The following JMJD1C variants were observed in gnomAD, a reference collection of about 807,000 sequenced individuals.
JMJD1C encodes jumonji domain containing 1C.
JMJD1C carries 31 observed loss-of-function variants against 245.3 expected under a neutral mutation model. The observed-to-expected ratio is 0.13, with a 90% CI of 0.09 to 0.17. The LOEUF is 0.17. JMJD1C is among the 10% of genes least tolerant of loss of function. The pLI is 1.00. For missense variants in JMJD1C, 2,691 were observed against 3,000.2 expected, an observed-to-expected ratio of 0.90 and a Z score of 2.41; for synonymous variants, 1,057 against 1,017.4, an observed-to-expected ratio of 1.04 and a Z score of -0.74.
intron 1 of JMJD1C, among the ~76,000 whole-genome samples, chr10:63,402,552 G>T (rs1182372327): frequency 6.6e-6 from 1 of 152,046 alleles, no homozygotes; most frequent in East Asian, 1.9e-4. Flanking sequence ...TGCCACTTTG[G>T]GATAGAAAAA....
At chr10:63,190,214 A>T (rs1428158911) in intron 17 of JMJD1C, among the ~76,000 whole-genome samples, 2 of 138,038 alleles carry the variant, frequency 1.4e-5, no homozygotes, top group African/African-American at 5.4e-5. Flanking sequence ...ATATACTTTT[A>T]TTTTTTTTGA....
intron 1 of JMJD1C, among the ~76,000 whole-genome samples, chr10:63,408,886 G>A (rs563137905): frequency 6.6e-6 from 1 of 151,680 alleles, no homozygotes; most frequent in Admixed American, 6.6e-5. Context: ...CCTGAGGAAA[G>A]ATTTCATAAA....
intron 1 of JMJD1C, among the ~76,000 whole-genome samples, chr10:63,488,473 G>A (rs545807590): frequency 6.6e-6 from 1 of 151,904 alleles, no homozygotes; most frequent in African/African-American, 2.4e-5. Flanking sequence ...AATCAACAAG[G>A]CTTTCCTAAC....
intron 10 of JMJD1C, among the ~76,000 whole-genome samples, chr10:63,200,994 C>A (rs1441383046): frequency 6.6e-6 from 1 of 152,172 alleles, no homozygotes; most frequent in Non-Finnish European, 1.5e-5. Context: ...AAGAATCATT[C>A]ATATTCTGTG....
chr10:63,370,246 C>T (rs1176860622), intron 2 of JMJD1C, among the ~76,000 whole-genome samples: 1 of 152,164 alleles, frequency 6.6e-6, no homozygotes, highest in African/African-American at 2.4e-5. Flanking sequence ...ATCAATCTTC[C>T]AGTGATTTAT....
intron 2 of JMJD1C, among the ~76,000 whole-genome samples, chr10:63,327,903 C>A (rs1941709330): frequency 6.6e-6 from 1 of 152,012 alleles, no homozygotes; most frequent in Non-Finnish European, 1.5e-5. Flanking sequence ...CTCCTGACCT[C>A]AGGTGATCCA....
intron 1 of JMJD1C, among the ~76,000 whole-genome samples, chr10:63,499,378 T>C (rs1036358979): frequency 3.3e-5 from 5 of 152,244 alleles, no homozygotes; most frequent in Non-Finnish European, 7.3e-5. Flanking sequence ...AGTCTCACAC[T>C]TGTTATATTT....
At chr10:63,391,254 T>C (rs1262422362) in intron 1 of JMJD1C, among the ~76,000 whole-genome samples, 1 of 152,176 alleles carries the variant, frequency 6.6e-6, no homozygotes, top group Non-Finnish European at 1.5e-5. Context: ...CTGATGCCTG[T>C]AATCCCAGCA....
intron 1 of JMJD1C, among the ~76,000 whole-genome samples, chr10:63,409,985 G>A (rs1182967871): frequency 6.6e-6 from 1 of 152,080 alleles, no homozygotes; most frequent in Non-Finnish European, 1.5e-5. Context: ...CAGCCACACA[G>A]TACCTGGCAC....
rs1405916413 is a variant in JMJD1C at position 63,292,144 on chromosome 10, A to T, written c.334-27380T>A. 3.3e-3 allele frequency among the ~76,000 whole-genome samples: 186 copies of T among 56,320 alleles called. 3 individuals are homozygous for T. Among genetic ancestry groups the T allele is most frequent in the Middle Eastern group, 0.013 (1 of 76 alleles). 36.9% of individuals were successfully genotyped at this position (56,320 alleles called of 152,430 possible). A position where few individuals can be genotyped will look rare whatever the true frequency, so the allele number is the denominator to read the frequency against. ...TTTTTTTTAGTTTCTGTAGAGACAG[A>T]TTTTTTTTTTTTTTTTTTTGCCTAG... On this transcript the variant is annotated intron_variant, in intron 2 of 25. Transcript: ENST00000399262.
In JMJD1C at chr10:63,330,673, A is replaced by G. The variant is rs1050196016; in HGVS notation, c.333+49645T>C. Among the ~76,000 whole-genome samples, 2 of 152,166 alleles carry G rather than the reference A, an allele frequency of 1.3e-5. 1 individual carries two copies. Among genetic ancestry groups the G allele is most frequent in the South Asian group, 4.2e-4 (2 of 4,814 alleles). ...ATTATTTCTATTGTTTAGCCTACCT[A>G]TATCTCATTTGTTCTGAAGATACTT... On this transcript the variant is annotated intron_variant, in intron 2 of 25. Coordinates refer to ENST00000399262, the MANE Select transcript of JMJD1C (RefSeq NM_032776.3).
intron 1 of JMJD1C, among the ~76,000 whole-genome samples, chr10:63,415,190 T>G (rs1271968022): frequency 6.6e-6 from 1 of 152,134 alleles, no homozygotes; most frequent in African/African-American, 2.4e-5. Context: ...TAAAATGACT[T>G]TACTATTAAT....
intron 2 of JMJD1C, among the ~76,000 whole-genome samples, chr10:63,289,793 A>G (rs1172278226): frequency 6.6e-6 from 1 of 152,196 alleles, no homozygotes; most frequent in Admixed American, 6.5e-5. Context: ...AAGATTTTAC[A>G]TAAATATTAG....
At chr10:63,202,700 G>T (rs1038082806) in intron 10 of JMJD1C, 1 of 985,094 alleles carries the variant, frequency 1.0e-6, no homozygotes, top group Non-Finnish European at 1.2e-6. Context: ...CACATCTCCC[G>T]GTTATGGTAT....
intron 1 of JMJD1C, among the ~76,000 whole-genome samples, chr10:63,450,392 T>A (rs1382486763): frequency 6.6e-6 from 1 of 151,798 alleles, no homozygotes; most frequent in East Asian, 1.9e-4. Context: ...ATTATTACCA[T>A]GACTCTGCCT....
intron 1 of JMJD1C, among the ~76,000 whole-genome samples, chr10:63,459,362 GGGTTTATGA>G (rs1478262276): frequency 1.3e-5 from 2 of 152,128 alleles, no homozygotes; most frequent in African/African-American, 4.8e-5. Flanking sequence ...GTATAAACTA[GGGTTTATGA>G]TATATGTGAC....
At chr10:63,305,459 C>CT (rs1937978126) in intron 2 of JMJD1C, among the ~76,000 whole-genome samples, 2 of 113,022 alleles carry the variant, frequency 1.8e-5, no homozygotes, top group African/African-American at 6.8e-5. Flanking sequence ...ACGCTCTGAC[C>CT]CTCTCTCTCT....
At chr10:63,393,925 A>G (rs779275855) in intron 1 of JMJD1C, among the ~76,000 whole-genome samples, 1 of 152,224 alleles carries the variant, frequency 6.6e-6, no homozygotes, top group Non-Finnish European at 1.5e-5. Context: ...TCATGCCTGT[A>G]ATCCCAGCAC....
At chr10:63,190,711 G>GA (rs1269609185) in intron 17 of JMJD1C, among the ~76,000 whole-genome samples, 183 bp downstream of exon 17, 1 of 151,864 alleles carries the variant, frequency 6.6e-6, no homozygotes, top group Non-Finnish European at 1.5e-5. Context: ...TTTCACCTTG[G>GA]AAAAAAAGAC....
Sources: gnomAD v4.1 joint callset for allele counts (sites outside exome capture counted in the v4.1 genomes callset) on GRCh38, gnomAD v4.1.1 for gene constraint, MANE v1.5 for transcripts, NCBI Gene and HGNC (gene_info 2026-07-23, HGNC 2026-07-21) for gene names.